Variants in PCGF5 observed in about 807,000 individuals in gnomAD.
PCGF5 encodes the protein polycomb group RING finger protein 5.
PCGF5 carries 9 observed loss-of-function variants against 44.3 expected under a neutral mutation model. The ratio of observed to expected loss-of-function variants is 0.20; its 90% CI spans 0.12 to 0.35. The LOEUF (loss-of-function observed/expected upper bound fraction) is 0.35, where lower values mean the gene tolerates loss of function less well. PCGF5 is among the 10% of genes least tolerant of loss of function. The pLI, the probability that PCGF5 is intolerant of heterozygous loss-of-function variation, is 1.00. For synonymous variants in PCGF5, 95 were observed against 102.5 expected (o/e 0.93, Z 0.44); for missense variants, 146 against 305.3 (o/e 0.48, Z 3.89).
At chr10:91,262,107 G>A (rs935486319) in intron 7 of PCGF5, among the ~76,000 whole-genome samples, 2 of 152,170 alleles carry the variant, frequency 1.3e-5, no homozygotes, top group East Asian at 1.9e-4. Context: ...CTTCCCTTTC[G>A]AGTTCTGATA....
At chr10:91,200,632 C>T (rs1844235063) in intron 1 of PCGF5, among the ~76,000 whole-genome samples, 1 of 152,080 alleles carries the variant, frequency 6.6e-6, no homozygotes, top group African/African-American at 2.4e-5. Context: ...AACACAGTCT[C>T]AGTGGGAGAT....
intron 1 of PCGF5, among the ~76,000 whole-genome samples, chr10:91,210,045 A>G (rs1352689469): frequency 6.6e-6 from 1 of 152,240 alleles, no homozygotes; most frequent in East Asian, 1.9e-4. Context: ...ATAGCAGATC[A>G]TAGCATTAGA....
intron 1 of PCGF5, among the ~76,000 whole-genome samples, chr10:91,201,527 A>G (rs1374539324): frequency 6.6e-6 from 1 of 152,172 alleles, no homozygotes; most frequent in Non-Finnish European, 1.5e-5. Context: ...ATGTGTAAAA[A>G]AAATACGTAA....
intron 6 of PCGF5, among the ~76,000 whole-genome samples, chr10:91,260,133 A>AGGGATCACGGTGGCCGAGATAGCTCAGT: frequency 4.6e-5 from 7 of 151,616 alleles, no homozygotes; most frequent in African/African-American, 1.7e-4. Flanking sequence ...AAACAACCCC[A>AGGGATCACGGTGGCCGAGATAGCTCAGT]TCAAAAAGTG....
At chr10:91,234,178 T>TA (rs2133322659) in intron 2 of PCGF5, among the ~76,000 whole-genome samples, 1 of 152,326 alleles carries the variant, frequency 6.6e-6, no homozygotes, top group East Asian at 1.9e-4. Flanking sequence ...GATAGCTCTA[T>TA]AATAGTTCAA....
chr10:91,158,323 T>C (rs1175737490), upstream of PCGF5, among the ~76,000 whole-genome samples: 6 of 152,208 alleles, frequency 3.9e-5, no homozygotes, highest in African/African-American at 1.4e-4. Flanking sequence ...CTTCATAATA[T>C]AAAATGCACA....
At chr10:91,276,116 AC>A (rs1013236034) in intron 9 of PCGF5, among the ~76,000 whole-genome samples, 88 of 152,088 alleles carry the variant, frequency 5.8e-4, no homozygotes, top group African/African-American at 2.0e-3. Context: ...AAAAAAAAAA[AC>A]GAATGTAGAT....
chr10:91,258,137 G>A (rs1564652862), intron 6 of PCGF5, among the ~76,000 whole-genome samples: 1 of 152,136 alleles, frequency 6.6e-6, no homozygotes, highest in East Asian at 1.9e-4. Flanking sequence ...GGGATGGGAG[G>A]AGGGAAGGTT....
At position 91,279,910 on chromosome 10, in the gene PCGF5, C is replaced by A. The variant is rs537774614; in HGVS notation, c.*1594C>A. The A allele has an allele frequency of 6.6e-6, 1 of 152,088 alleles. No homozygotes were observed. The highest frequency in any genetic ancestry group is 1.5e-5 in the Non-Finnish European group (1 of 67,900). 9.4% of individuals were successfully genotyped at this position (152,088 alleles called of 1,614,324 possible). A position where few individuals can be genotyped will look rare whatever the true frequency, so the allele number is the denominator to read the frequency against. ...GCAAACATACAAAGTACAGCTAAAT[C>A]TTAATATATTTCACTATGTAAAAGG... On this transcript the variant is annotated 3_prime_UTR_variant, in exon 10 of 10. Transcript: ENST00000336126.
chr10:91,283,020 A>G lies in PCGF5; in HGVS notation c.*4704A>G, dbSNP rs1846490306. 1 of 152,194 alleles carries G rather than the reference A, an allele frequency of 6.6e-6. No homozygotes were observed. The highest frequency in any genetic ancestry group is 2.4e-5 in the African/African-American group (1 of 41,460). The allele number at this position is 152,194 out of a possible 1,614,324, so 9.4% of individuals were successfully genotyped here. A position where few individuals can be genotyped will look rare whatever the true frequency, so the allele number is the denominator to read the frequency against. The stretch of plus-strand genomic sequence containing the variant: ...GACTCAAACCCTTTCAAGGCACACA[A>G]TAACTGTTCTGGATTTACCTGACAA... On this transcript the variant is annotated 3_prime_UTR_variant, in exon 10 of 10. Transcript: ENST00000336126.
chr10:91,238,947 C>A (rs1054897095), intron 2 of PCGF5, among the ~76,000 whole-genome samples: 1 of 151,944 alleles, frequency 6.6e-6, no homozygotes, highest in Non-Finnish European at 1.5e-5. Flanking sequence ...GTCATGAAGG[C>A]AGTGTTATCC....
At chr10:91,247,046 G>A (rs1845485926) in intron 3 of PCGF5, among the ~76,000 whole-genome samples, 1 of 151,946 alleles carries the variant, frequency 6.6e-6, no homozygotes, top group East Asian at 1.9e-4. Context: ...TAGTTTTGAA[G>A]CCACAAAAGC....
intron 6 of PCGF5, among the ~76,000 whole-genome samples, chr10:91,254,323 C>A (rs1845697154): frequency 6.6e-6 from 1 of 151,856 alleles, no homozygotes; most frequent in Non-Finnish European, 1.5e-5. Flanking sequence ...TTGAACAACC[C>A]TTCCTTTTTG....
chr10:91,196,323 C>G (rs1301696992), intron 1 of PCGF5, among the ~76,000 whole-genome samples: 2 of 152,086 alleles, frequency 1.3e-5, no homozygotes, highest in Non-Finnish European at 2.9e-5. Flanking sequence ...ATAATCAGAC[C>G]CTAATTTCAG....
chr10:91,185,216 C>T (rs1283370551), intron 1 of PCGF5, among the ~76,000 whole-genome samples: 21 of 152,158 alleles, frequency 1.4e-4, no homozygotes, highest in Non-Finnish European at 4.4e-5. Context: ...AGTGGGGTGG[C>T]TGGAGGCCTG....
chr10:91,252,152 C>T (rs1274165256), intron 6 of PCGF5, among the ~76,000 whole-genome samples: 1 of 151,968 alleles, frequency 6.6e-6, no homozygotes, highest in Non-Finnish European at 1.5e-5. Context: ...TACAAATCTT[C>T]ACTACTTCAG....
intron 8 of PCGF5, among the ~76,000 whole-genome samples, chr10:91,269,135 T>A (rs1846116877): frequency 6.6e-6 from 1 of 152,300 alleles, no homozygotes; most frequent in African/African-American, 2.4e-5. Context: ...TCCCAGGAGA[T>A]GCTAATGCAT....
intron 1 of PCGF5, among the ~76,000 whole-genome samples, chr10:91,173,401 GT>G (rs1426990035): frequency 1.3e-5 from 2 of 152,230 alleles, no homozygotes; most frequent in South Asian, 2.1e-4. Flanking sequence ...CTTAAAAAAA[GT>G]TTTTGTATTG....
chr10:91,204,400 A>T (rs1589367136), intron 1 of PCGF5, among the ~76,000 whole-genome samples: 1 of 152,226 alleles, frequency 6.6e-6, no homozygotes, highest in East Asian at 1.9e-4. Flanking sequence ...TAACTGTCTT[A>T]TATACTTTTA....
Sources: allele counts gnomAD v4.1 joint callset (sites outside exome capture counted in the v4.1 genomes callset), GRCh38; gene constraint gnomAD v4.1.1; transcripts MANE v1.5; gene names NCBI Gene and HGNC (gene_info 2026-07-23, HGNC 2026-07-21).